TMEM163: variants seen among roughly 807,000 people sequenced by gnomAD.
The protein encoded by TMEM163 is transmembrane protein 163.
Under a neutral mutation model 29.3 loss-of-function variants are expected in TMEM163, and 17 were observed. The ratio of observed to expected loss-of-function variants is 0.58; its 90% confidence interval spans 0.40 to 0.87. TMEM163 has a LOEUF of 0.87. Among genes scored for constraint, TMEM163 ranks in the 40% least tolerant of loss-of-function variants. TMEM163 has a pLI of 0.00. For synonymous variants in TMEM163, 157 were observed against 160.6 expected, an observed-to-expected ratio of 0.98 and a Z score of 0.17; for missense variants, 303 against 381.5, an observed-to-expected ratio of 0.79 and a Z score of 1.71.
intron 2 of TMEM163, among the ~76,000 whole-genome samples, chr2:134,700,872 G>C (rs1364184953): frequency 2.0e-5 from 3 of 149,218 alleles, no homozygotes; most frequent in Non-Finnish European, 4.4e-5. Context: ...CTGCACTCCA[G>C]CCTGGGTGAC....
chr2:134,505,668 G>A (rs1009612730), intron 4 of TMEM163, among the ~76,000 whole-genome samples: 2 of 152,154 alleles, frequency 1.3e-5, no homozygotes, highest in Admixed American at 6.5e-5. Flanking sequence ...GGGGAAGGAA[G>A]GAACAAATGC....
chr2:134,572,464 T>C (rs929359160), intron 2 of TMEM163, among the ~76,000 whole-genome samples: 1 of 152,258 alleles, frequency 6.6e-6, no homozygotes, highest in African/African-American at 2.4e-5. Context: ...TATTTAATTA[T>C]ATCTGAAAAT....
chr2:134,645,434 TA>T (rs1683314158), intron 2 of TMEM163, among the ~76,000 whole-genome samples: 1 of 152,172 alleles, frequency 6.6e-6, no homozygotes, highest in Admixed American at 6.5e-5. Flanking sequence ...CAAAGATACT[TA>T]CTATCTGGCC....
At chr2:134,550,062 A>G (rs561165427) in intron 4 of TMEM163, among the ~76,000 whole-genome samples, 3 of 152,322 alleles carry the variant, frequency 2.0e-5, no homozygotes, top group East Asian at 1.9e-4. Flanking sequence ...TGGAAAAGAC[A>G]TATGTTTTAG....
intron 5 of TMEM163, among the ~76,000 whole-genome samples, chr2:134,479,184 T>C (rs1253083194): frequency 6.6e-6 from 1 of 152,180 alleles, no homozygotes. Context: ...GTCTATGGCA[T>C]TCGGTGATAG....
At chr2:134,540,727 T>G (rs1026624502) in intron 4 of TMEM163, among the ~76,000 whole-genome samples, 1 of 152,214 alleles carries the variant, frequency 6.6e-6, no homozygotes, top group East Asian at 1.9e-4. Flanking sequence ...CCACCAGGTG[T>G]TAAATAATAC....
chr2:134,579,449 A>C (rs1311752593), intron 2 of TMEM163, among the ~76,000 whole-genome samples: 3 of 152,240 alleles, frequency 2.0e-5, no homozygotes, highest in African/African-American at 7.2e-5. Context: ...TGAAGTTTCT[A>C]ACACTGAGAA....
At chr2:134,670,219 T>A (rs1683960342) in intron 2 of TMEM163, among the ~76,000 whole-genome samples, 1 of 152,020 alleles carries the variant, frequency 6.6e-6, no homozygotes, top group African/African-American at 2.4e-5. Flanking sequence ...ATTTCACAAC[T>A]CTACTTCCTA....
chr2:134,700,036 A>AT (rs1465454581), intron 2 of TMEM163, among the ~76,000 whole-genome samples: 7 of 151,174 alleles, frequency 4.6e-5, no homozygotes, highest in East Asian at 1.9e-4. Context: ...ATACAGCTTG[A>AT]TTTTTTTTTA....
chr2:134,549,860 TTG>T (rs59083525), intron 4 of TMEM163, among the ~76,000 whole-genome samples: 13,129 of 149,606 alleles, frequency 0.088, 1,294 homozygotes, highest in African/African-American at 0.24. Context: ...GTGTGTGTGT[TTG>T]TGTGTGTGTG....
chr2:134,540,010 G>A (rs1419771167), intron 4 of TMEM163, among the ~76,000 whole-genome samples: 1 of 152,200 alleles, frequency 6.6e-6, no homozygotes, highest in African/African-American at 2.4e-5. Flanking sequence ...CTGACCGAGG[G>A]CAGCAGGGAG....
chr2:134,629,135 A>G, intron 2 of TMEM163, among the ~76,000 whole-genome samples: 1 of 152,192 alleles, frequency 6.6e-6, no homozygotes, highest in East Asian at 1.9e-4. Context: ...ACCCCTGTAA[A>G]TACTATTATC....
intron 2 of TMEM163, 24 bp downstream of exon 2, chr2:134,713,176 G>A (rs917013978): frequency 1.2e-6 from 2 of 1,609,084 alleles, no homozygotes; most frequent in Non-Finnish European, 8.5e-7. Context: ...GCACATATTG[G>A]CCGACGAGAC....
At chr2:134,489,621 A>G (rs1387837168) in intron 5 of TMEM163, among the ~76,000 whole-genome samples, 1 of 152,108 alleles carries the variant, frequency 6.6e-6, no homozygotes, top group African/African-American at 2.4e-5. Flanking sequence ...ATATCCATCC[A>G]TGGAATAACC....
At chr2:134,616,692 G>C (rs1682615395) in intron 2 of TMEM163, among the ~76,000 whole-genome samples, 1 of 152,086 alleles carries the variant, frequency 6.6e-6, no homozygotes, top group East Asian at 1.9e-4. Flanking sequence ...ATCTGTATGA[G>C]TTCTGTGGAT....
At chr2:134,694,952 GA>G (rs1374258927) in intron 2 of TMEM163, among the ~76,000 whole-genome samples, 1 of 152,006 alleles carries the variant, frequency 6.6e-6, no homozygotes, top group African/African-American at 2.4e-5. Flanking sequence ...TTTCTGGAAA[GA>G]AAAAAACTGG....
At position 134,647,522 on chromosome 2, in the gene TMEM163, A is replaced by G. The variant is rs1174638749; in HGVS notation, c.322+65678T>C. ...GGACCCTCAATCTGTCGCACTGTAC[A>G]TTAAGTAATAAGGCTCAATATAAAT... On this transcript the variant is annotated intron_variant, in intron 2 of 7. Coordinates refer to ENST00000281924, the MANE Select transcript of TMEM163 (RefSeq NM_030923.5). Among the ~76,000 whole-genome samples, 5 of 151,870 alleles carry G rather than the reference A, an allele frequency of 3.3e-5. No homozygotes were observed. In the South Asian group the frequency reaches 8.3e-4, roughly 25 times the overall value.
At chr2:134,507,038 A>G (rs1679839426) in intron 4 of TMEM163, among the ~76,000 whole-genome samples, 2 of 152,026 alleles carry the variant, frequency 1.3e-5, no homozygotes, top group African/African-American at 4.8e-5. Flanking sequence ...CCAGACTGAA[A>G]CCAAATTTAA....
intron 2 of TMEM163, among the ~76,000 whole-genome samples, chr2:134,606,681 C>T (rs539914774): frequency 3.9e-5 from 6 of 152,258 alleles, no homozygotes; most frequent in African/African-American, 1.4e-4. Context: ...CTGTGGCAAC[C>T]GGCCAGTGGA....
Sources: allele counts gnomAD v4.1 joint callset (sites outside exome capture counted in the v4.1 genomes callset), GRCh38; gene constraint gnomAD v4.1.1; transcripts MANE v1.5; gene names NCBI Gene and HGNC (gene_info 2026-07-23, HGNC 2026-07-21).